AGBL4: variants seen among roughly 807,000 people sequenced by gnomAD.
AGBL4 encodes the protein cytosolic carboxypeptidase 6.
A neutral mutation model predicts 66.4 loss-of-function variants in AGBL4; 58 were observed. The observed-to-expected ratio is 0.87, with a 90% CI of 0.71 to 1.09. The LOEUF (loss-of-function observed/expected upper bound fraction) is 1.09. Ranked by LOEUF, AGBL4 falls within the 50% of genes least tolerant of loss-of-function variation. AGBL4 has a pLI of 0.00. For missense variants in AGBL4, 579 were observed against 631.0 expected, an observed-to-expected ratio of 0.92 and a Z score of 0.88; for synonymous variants, 234 against 222.9, an observed-to-expected ratio of 1.05 and a Z score of -0.44.
intron 3 of AGBL4, among the ~76,000 whole-genome samples, chr1:49,304,934 T>C (rs1164536265): frequency 1.3e-5 from 2 of 152,194 alleles, no homozygotes; most frequent in Non-Finnish European, 2.9e-5. Context: ...CTAAATAAAC[T>C]ATTTATGCTA....
intron 3 of AGBL4, among the ~76,000 whole-genome samples, chr1:49,674,859 G>A (rs1413675318): frequency 6.6e-6 from 1 of 152,094 alleles, no homozygotes; most frequent in Non-Finnish European, 1.5e-5. Context: ...TCACAAAATA[G>A]TGCTTGCACA....
intron 1 of AGBL4, among the ~76,000 whole-genome samples, chr1:49,953,620 T>C (rs1356609148): frequency 1.3e-5 from 2 of 151,834 alleles, no homozygotes; most frequent in Middle Eastern, 3.2e-3. Context: ...ATTGCTATGA[T>C]GCTGAAAGGA....
intron 3 of AGBL4, among the ~76,000 whole-genome samples, chr1:49,441,851 C>T (rs1285493160): frequency 6.6e-6 from 1 of 152,186 alleles, no homozygotes; most frequent in Admixed American, 6.5e-5. Flanking sequence ...CCAGTCACCC[C>T]TATCATCACC....
intron 3 of AGBL4, among the ~76,000 whole-genome samples, chr1:49,296,090 T>C (rs1000158030): frequency 1.3e-5 from 2 of 152,186 alleles, no homozygotes; most frequent in Non-Finnish European, 2.9e-5. Context: ...GTTTCAATTA[T>C]CCCAATTTTG....
At chr1:48,980,369 A>G (rs996070708) in intron 5 of AGBL4, among the ~76,000 whole-genome samples, 2 of 152,098 alleles carry the variant, frequency 1.3e-5, no homozygotes, top group African/African-American at 4.8e-5. Context: ...AAAATTCCCA[A>G]CAGCCTCCAA....
intron 6 of AGBL4, among the ~76,000 whole-genome samples, chr1:48,770,258 G>A (rs1401425661): frequency 6.6e-6 from 1 of 152,114 alleles, no homozygotes; most frequent in Non-Finnish European, 1.5e-5. Context: ...TATGTATTTA[G>A]CTGTCCTATC....
intron 6 of AGBL4, among the ~76,000 whole-genome samples, chr1:48,710,688 A>G (rs1390130948): frequency 6.6e-6 from 1 of 152,136 alleles, no homozygotes; most frequent in Non-Finnish European, 1.5e-5. Flanking sequence ...CTTTTCTTTC[A>G]GTGTGGAGGC....
intron 3 of AGBL4, among the ~76,000 whole-genome samples, chr1:49,554,368 C>A (rs1010324661): frequency 7.9e-5 from 12 of 152,062 alleles, no homozygotes; most frequent in African/African-American, 2.9e-4. Context: ...CTTGAAAATG[C>A]AAACACATTT....
At chr1:48,751,261 G>C (rs912627472) in intron 6 of AGBL4, among the ~76,000 whole-genome samples, 1 of 152,166 alleles carries the variant, frequency 6.6e-6, no homozygotes, top group Non-Finnish European at 1.5e-5. Context: ...AATTAAGCAG[G>C]AAATATTCAT....
chr1:49,803,158 A>G (rs1020018572), intron 2 of AGBL4, among the ~76,000 whole-genome samples: 28 of 151,900 alleles, frequency 1.8e-4, no homozygotes, highest in African/African-American at 6.7e-4. Flanking sequence ...CTTTATATGT[A>G]AAGCTCCTAG....
At chr1:49,048,697 A>G (rs1237453343) in intron 4 of AGBL4, among the ~76,000 whole-genome samples, 1 of 152,024 alleles carries the variant, frequency 6.6e-6, no homozygotes, top group African/African-American at 2.4e-5. Context: ...TGTCTCAGAC[A>G]TTGTGTTAAG....
chr1:49,267,409 G>A (rs887416575), intron 3 of AGBL4, among the ~76,000 whole-genome samples: 50 of 152,076 alleles, frequency 3.3e-4, no homozygotes, highest in African/African-American at 1.1e-3. Flanking sequence ...GGCGAGGCAC[G>A]GTGGCTCACG....
chr1:48,890,375 A>G (rs539311860), intron 5 of AGBL4, among the ~76,000 whole-genome samples: 1 of 152,124 alleles, frequency 6.6e-6, no homozygotes. Flanking sequence ...CCTTTGCAGG[A>G]TTGTGGTGAG....
chr1:49,166,003 T>C (rs1569900649), intron 4 of AGBL4, among the ~76,000 whole-genome samples: 1 of 152,142 alleles, frequency 6.6e-6, no homozygotes, highest in Non-Finnish European at 1.5e-5. Flanking sequence ...TTCTGGACCC[T>C]TTCAAGAAGA....
At chr1:48,858,703 CG>C (rs1345631468) in intron 6 of AGBL4, among the ~76,000 whole-genome samples, 3 of 151,988 alleles carry the variant, frequency 2.0e-5, no homozygotes, top group Non-Finnish European at 4.4e-5. Flanking sequence ...GACTGCCAGT[CG>C]GTATGGAGTT....
chr1:50,005,924 A>T lies in AGBL4; in HGVS notation c.34+17839T>A, dbSNP rs146097992. Among the ~76,000 whole-genome samples the T allele has an allele frequency of 4.4e-4, 67 of 152,340 alleles. No homozygotes were observed. The East Asian group carries it at 7.1e-3, about 16-fold the overall frequency. On this transcript the variant is annotated intron_variant, in intron 1 of 13. Transcript: ENST00000371839. Reference sequence around the variant, plus strand: ...AATCACACAGAAGAAAGAATTAGTGAGCTTAAAGGCAGGCTATTTGAAAAC... The same window carrying T: ...AATCACACAGAAGAAAGAATTAGTGTGCTTAAAGGCAGGCTATTTGAAAAC...
At chr1:49,295,052 A>G (rs1343565575) in intron 3 of AGBL4, among the ~76,000 whole-genome samples, 1 of 152,226 alleles carries the variant, frequency 6.6e-6, no homozygotes, top group Non-Finnish European at 1.5e-5. Context: ...ATGAATAAAT[A>G]AATTAATTGA....
chr1:48,918,537 T>C (rs1653810002), intron 5 of AGBL4, among the ~76,000 whole-genome samples: 1 of 152,126 alleles, frequency 6.6e-6, no homozygotes, highest in African/African-American at 2.4e-5. Flanking sequence ...GGGAGGTAAT[T>C]AGGTCATCAG....
At chr1:49,443,945 A>T (rs1646095555) in intron 3 of AGBL4, among the ~76,000 whole-genome samples, 1 of 151,784 alleles carries the variant, frequency 6.6e-6, no homozygotes, top group African/African-American at 2.4e-5. Context: ...TCTATTCCAC[A>T]GGTTTTCTTA....
Sources: gnomAD v4.1 joint callset for allele counts (sites outside exome capture counted in the v4.1 genomes callset) on GRCh38, gnomAD v4.1.1 for gene constraint, MANE v1.5 for transcripts, NCBI Gene and HGNC (gene_info 2026-07-23, HGNC 2026-07-21) for gene names.